The following IL1RAPL1 variants were observed in gnomAD, a reference collection of about 807,000 sequenced individuals.
The protein encoded by IL1RAPL1 is interleukin-1 receptor accessory protein-like 1.
In IL1RAPL1, 3 loss-of-function variants were observed where a neutral mutation model predicts 48.4. The ratio of observed to expected loss-of-function variants is 0.06; its 90% CI spans 0.03 to 0.16. The LOEUF is 0.16. Ranked by LOEUF, IL1RAPL1 falls within the 10% of genes least tolerant of loss-of-function variation. The probability of loss-of-function intolerance (pLI) is 1.00; values close to 1 mark genes in which losing one functional copy is unlikely to be tolerated. For synonymous variants in IL1RAPL1, 185 were observed against 187.7 expected, an observed-to-expected ratio of 0.99 and a Z score of 0.12; for missense variants, 349 against 530.6, an observed-to-expected ratio of 0.66 and a Z score of 3.36.
rs368061660 is a variant in IL1RAPL1, at chrX:29,101,935, C to A, written c.83-181003C>A. ...CTGGGCAACAAGAACGAAACTCTCT[C>A]GAAAAAATAAATAATTAAAAAATAT... is the stretch of plus-strand genomic sequence containing the variant. On this transcript the variant is annotated intron_variant, in intron 2 of 10. Coordinates refer to ENST00000378993, the MANE Select transcript of IL1RAPL1 (RefSeq NM_014271.4). Among the ~76,000 whole-genome samples the A allele has an allele frequency of 1.1e-4, 12 of 110,463 alleles. No homozygotes were observed. In the East Asian group the frequency reaches 3.4e-3, roughly 31 times the overall value.
intron 1 of IL1RAPL1, among the ~76,000 whole-genome samples, chrX:28,588,721 A>G (rs1228697916): frequency 8.9e-6 from 1 of 112,585 alleles, no homozygotes; most frequent in Non-Finnish European, 1.9e-5. Flanking sequence ...GCTAAAAATG[A>G]TGGCTAACAT....
intron 2 of IL1RAPL1, among the ~76,000 whole-genome samples, chrX:29,158,071 C>T (rs1929602513): frequency 9.0e-6 from 1 of 111,047 alleles, no homozygotes; most frequent in African/African-American, 3.3e-5. Flanking sequence ...TACCTTGAGT[C>T]CTTTTGTTAT....
At chrX:29,262,853 T>C (rs1350480922) in intron 2 of IL1RAPL1, among the ~76,000 whole-genome samples, 1 of 111,271 alleles carries the variant, frequency 9.0e-6, no homozygotes, top group African/African-American at 3.3e-5. Flanking sequence ...TAAAATCCAA[T>C]AGGTAATCAG....
intron 5 of IL1RAPL1, among the ~76,000 whole-genome samples, chrX:29,522,976 G>A (rs1336805443): frequency 9.0e-6 from 1 of 110,671 alleles, no homozygotes; most frequent in African/African-American, 3.3e-5. Flanking sequence ...ATAGGTCCTT[G>A]TAGCGACAAT....
At chrX:28,816,017 G>A (rs1224780870) in intron 2 of IL1RAPL1, among the ~76,000 whole-genome samples, 1 of 104,107 alleles carries the variant, frequency 9.6e-6, no homozygotes, top group East Asian at 3.1e-4. Context: ...TCTTTGGGGT[G>A]TATGCCCAGT....
At chrX:29,683,414 G>A (rs766507719) in intron 6 of IL1RAPL1, among the ~76,000 whole-genome samples, 1 of 112,135 alleles carries the variant, frequency 8.9e-6, no homozygotes, top group African/African-American at 3.2e-5. Context: ...TCACACAGTC[G>A]TGATCCAGTA....
At chrX:28,999,623 C>T (rs1402449086) in intron 2 of IL1RAPL1, among the ~76,000 whole-genome samples, 1 of 111,722 alleles carries the variant, frequency 9.0e-6, no homozygotes, top group Non-Finnish European at 1.9e-5. Flanking sequence ...TATCTCTTAT[C>T]CTTTTGAAGT....
At chrX:29,259,399 A>G (rs1205072176) in intron 2 of IL1RAPL1, among the ~76,000 whole-genome samples, 1 of 111,357 alleles carries the variant, frequency 9.0e-6, no homozygotes, top group Non-Finnish European at 1.9e-5. Context: ...ACTATTTTAT[A>G]TACTATTAAA....
At chrX:29,203,139 A>C (rs899834242) in intron 2 of IL1RAPL1, among the ~76,000 whole-genome samples, 1 of 111,611 alleles carries the variant, frequency 9.0e-6, no homozygotes, top group African/African-American at 3.3e-5. Flanking sequence ...AAAGTACCGA[A>C]TGGCACTGGG....
chrX:29,852,500 A>G (rs1348523920), intron 6 of IL1RAPL1, among the ~76,000 whole-genome samples: 1 of 111,593 alleles, frequency 9.0e-6, no homozygotes, highest in Non-Finnish European at 1.9e-5. Context: ...CATACCACCA[A>G]ACTTTTTTTG....
chrX:28,780,968 A>G lies in IL1RAPL1; in HGVS notation c.-24-8352A>G, dbSNP rs139431300. The stretch of plus-strand genomic sequence containing the variant: ...ATTCCATCTTACAGATATTCTCTAC[A>G]ATTGTTACTAGTCCTCTATATTAGT... On this transcript the variant is annotated intron_variant, in intron 1 of 10. Coordinates refer to ENST00000378993, the MANE Select transcript of IL1RAPL1 (RefSeq NM_014271.4). Among the ~76,000 whole-genome samples the G allele has an allele frequency of 6.7e-3, 750 of 111,606 alleles. 8 individuals are homozygous for G. Among genetic ancestry groups the G allele is most frequent in the African/African-American group, 0.023 (706 of 30,824 alleles).
chrX:28,851,007 A>G (rs745565608), intron 2 of IL1RAPL1, among the ~76,000 whole-genome samples: 4 of 106,635 alleles, frequency 3.8e-5, no homozygotes, highest in African/African-American at 6.9e-5. Context: ...TTAGCAAATC[A>G]TGACAACTTG....
chrX:29,795,298 T>A (rs1261939900), intron 6 of IL1RAPL1, among the ~76,000 whole-genome samples: 1 of 112,245 alleles, frequency 8.9e-6, no homozygotes, highest in East Asian at 2.8e-4. Flanking sequence ...GAAAATGAGA[T>A]CATTTGAACC....
intron 6 of IL1RAPL1, among the ~76,000 whole-genome samples, chrX:29,788,857 G>A (rs1601823295): frequency 9.0e-6 from 1 of 111,635 alleles, no homozygotes; most frequent in Non-Finnish European, 1.9e-5. Flanking sequence ...TACTTTCATG[G>A]TTGGTATGTT....
chrX:28,715,185 T>A (rs748078068), intron 1 of IL1RAPL1, among the ~76,000 whole-genome samples: 125 of 112,139 alleles, frequency 1.1e-3, no homozygotes, highest in African/African-American at 3.8e-3. Context: ...ACTGAAACCA[T>A]ATAAAACAGT....
chrX:28,955,627 C>T (rs981187970), intron 2 of IL1RAPL1, among the ~76,000 whole-genome samples: 43 of 107,234 alleles, frequency 4.0e-4, no homozygotes, highest in Admixed American at 1.0e-4. Context: ...CTGTTCTGTT[C>T]CATTGATCTA....
chrX:29,911,788 T>G (rs1256546983), intron 6 of IL1RAPL1, among the ~76,000 whole-genome samples: 4 of 112,210 alleles, frequency 3.6e-5, no homozygotes, highest in Non-Finnish European at 3.8e-5. Flanking sequence ...ACATTTTCCC[T>G]GTCACATTTT....
At chrX:29,913,073 A>C (rs770466474) in intron 6 of IL1RAPL1, among the ~76,000 whole-genome samples, 1 of 110,952 alleles carries the variant, frequency 9.0e-6, no homozygotes, top group Non-Finnish European at 1.9e-5. Context: ...CTTTTTCCCA[A>C]TAAATAGTAC....
intron 2 of IL1RAPL1, among the ~76,000 whole-genome samples, chrX:29,188,187 A>G (rs1263754270): frequency 8.9e-6 from 1 of 111,905 alleles, no homozygotes; most frequent in Non-Finnish European, 1.9e-5. Context: ...CTTTACAATG[A>G]ACTTCCATCC....
Sources: gnomAD v4.1 joint callset for allele counts (sites outside exome capture counted in the v4.1 genomes callset) on GRCh38, gnomAD v4.1.1 for gene constraint, MANE v1.5 for transcripts, NCBI Gene and HGNC (gene_info 2026-07-23, HGNC 2026-07-21) for gene names.